Variants in CAMTA1 observed in about 807,000 individuals in gnomAD.
The protein encoded by CAMTA1 is calmodulin-binding transcription activator 1.
Under a neutral mutation model 170.9 loss-of-function variants are expected in CAMTA1, and 27 were observed. That is an observed-to-expected ratio of 0.16 (90% CI 0.12 to 0.22). The LOEUF (loss-of-function observed/expected upper bound fraction) is 0.22. Ranked by LOEUF, CAMTA1 falls within the 10% of genes least tolerant of loss-of-function variation. CAMTA1 has a pLI of 1.00. For missense variants in CAMTA1, 1,619 were observed against 2,217.2 expected, an observed-to-expected ratio of 0.73 and a Z score of 5.42; for synonymous variants, 833 against 891.5, an observed-to-expected ratio of 0.93 and a Z score of 1.17.
chr1:6,933,385 G>T (rs1205431123), intron 3 of CAMTA1, among the ~76,000 whole-genome samples: 1 of 152,042 alleles, frequency 6.6e-6, no homozygotes, highest in East Asian at 1.9e-4. Context: ...TCAGCCTCCT[G>T]AGTAGCTGGG....
chr1:7,158,018 G>A (rs6665124), intron 4 of CAMTA1, among the ~76,000 whole-genome samples: 49,901 of 151,842 alleles, frequency 0.33, 8,631 homozygotes, highest in African/African-American at 0.43. Flanking sequence ...GATTAGCCAG[G>A]CGTGGTGGTG....
chr1:7,468,917 G>A (rs1041676052), intron 6 of CAMTA1, among the ~76,000 whole-genome samples: 5 of 152,190 alleles, frequency 3.3e-5, no homozygotes, highest in African/African-American at 7.2e-5. Flanking sequence ...CACATGCCAC[G>A]GAGTGCAGAG....
chr1:7,217,214 C>A (rs1659899265), intron 4 of CAMTA1, among the ~76,000 whole-genome samples: 1 of 152,164 alleles, frequency 6.6e-6, no homozygotes, highest in Non-Finnish European at 1.5e-5. Flanking sequence ...TAAGGGGCTT[C>A]TCCCCCTTTG....
At chr1:7,303,191 C>T (rs1362176110) in intron 5 of CAMTA1, among the ~76,000 whole-genome samples, 1 of 152,176 alleles carries the variant, frequency 6.6e-6, no homozygotes, top group Non-Finnish European at 1.5e-5. Context: ...TGACTTCTTC[C>T]TGTCTTCTGC....
intron 4 of CAMTA1, among the ~76,000 whole-genome samples, chr1:7,208,196 C>T (rs957830451): frequency 1.3e-5 from 2 of 152,230 alleles, no homozygotes; most frequent in African/African-American, 4.8e-5. Flanking sequence ...TAGCCTTGAC[C>T]TTACTGGATA....
intron 5 of CAMTA1, among the ~76,000 whole-genome samples, chr1:7,439,378 C>T (rs1357996149): frequency 6.6e-6 from 1 of 152,196 alleles, no homozygotes; most frequent in African/African-American, 2.4e-5. Flanking sequence ...AGTGAATGAG[C>T]CCCCTGCCCC....
intron 5 of CAMTA1, among the ~76,000 whole-genome samples, chr1:7,287,540 G>A (rs1449843469): frequency 6.6e-6 from 1 of 151,332 alleles, no homozygotes; most frequent in Non-Finnish European, 1.5e-5. Context: ...GTCAGGCTAG[G>A]TTAGGCCATG....
chr1:7,194,850 AT>A (rs1655217496), intron 4 of CAMTA1, among the ~76,000 whole-genome samples: 1 of 152,144 alleles, frequency 6.6e-6, no homozygotes, highest in Non-Finnish European at 1.5e-5. Context: ...GAATTCTGTG[AT>A]TTTTATTTTC....
rs1330242133 is a variant in CAMTA1 at position 7,108,728 on chromosome 1, A to G, written c.302+17357A>G. ...TTATTCATCCAACAAATATTTATTGACAATCGTATTAGTTACCTATTGCGC... is the reference window on the plus strand; with the variant it reads ...TTATTCATCCAACAAATATTTATTGGCAATCGTATTAGTTACCTATTGCGC... On this transcript the variant is annotated intron_variant, in intron 4 of 22. Coordinates refer to ENST00000303635, the MANE Select transcript of CAMTA1 (RefSeq NM_015215.4). Among the ~76,000 whole-genome samples the G allele has an allele frequency of 3.3e-5, 5 of 152,352 alleles. No homozygotes were observed. The South Asian group carries it at 8.3e-4, about 25-fold the overall frequency.
At chr1:6,921,143 A>G (rs1047381091) in intron 3 of CAMTA1, among the ~76,000 whole-genome samples, 20 of 152,338 alleles carry the variant, frequency 1.3e-4, no homozygotes, top group Admixed American at 1.1e-3. Flanking sequence ...CACCCAAGTC[A>G]CATCTTGAAT....
At chr1:7,470,757 C>T (rs1024103532) in intron 6 of CAMTA1, among the ~76,000 whole-genome samples, 8 of 152,262 alleles carry the variant, frequency 5.3e-5, no homozygotes, top group African/African-American at 1.7e-4. Context: ...ACCTTTGTAG[C>T]CTCAGTTCAG....
At chr1:7,187,624 A>G (rs1021456022) in intron 4 of CAMTA1, among the ~76,000 whole-genome samples, 14 of 152,216 alleles carry the variant, frequency 9.2e-5, no homozygotes, top group Admixed American at 5.2e-4. Flanking sequence ...TATTTTTAAC[A>G]TACATGAAAT....
At chr1:7,429,562 T>C (rs1041891485) in intron 5 of CAMTA1, among the ~76,000 whole-genome samples, 1 of 145,440 alleles carries the variant, frequency 6.9e-6, no homozygotes, top group East Asian at 2.0e-4. Context: ...AGTGATAATA[T>C]GGATGATGAT....
intron 19 of CAMTA1, among the ~76,000 whole-genome samples, chr1:7,750,212 A>C (rs2096886622): frequency 6.6e-6 from 1 of 152,248 alleles, no homozygotes. Flanking sequence ...AAAGCAGGTC[A>C]GATAAGACCA....
rs11120882 is a variant in CAMTA1, at chr1:7,224,804, C to T, written c.303-24687C>T. ...CCCAGGGCCCTGCTCCGTAGCTGCTCCATGTCGTCTGGATGGTCCGTTGGC... is the reference window on the plus strand; with the variant it reads ...CCCAGGGCCCTGCTCCGTAGCTGCTTCATGTCGTCTGGATGGTCCGTTGGC... On this transcript the variant is annotated intron_variant, in intron 4 of 22. Coordinates refer to ENST00000303635, the MANE Select transcript of CAMTA1 (RefSeq NM_015215.4). This position sits in a 1 kb window ranked among gnomAD's most constrained non-coding sequence, Gnocchi z 5.2. Among the ~76,000 whole-genome samples, 6,687 of 149,486 alleles carry T rather than the reference C, an allele frequency of 0.045. 435 individuals carry two copies. Among genetic ancestry groups the T allele is most frequent in the African/African-American group, 0.15 (5,749 of 38,800 alleles).
intron 5 of CAMTA1, among the ~76,000 whole-genome samples, chr1:7,262,449 C>G (rs1295309848): frequency 6.6e-6 from 1 of 152,164 alleles, no homozygotes; most frequent in Non-Finnish European, 1.5e-5. Context: ...GTAATCCCAG[C>G]TACTCAGGAG....
At chr1:7,233,874 C>G (rs568175147) in intron 4 of CAMTA1, among the ~76,000 whole-genome samples, 3 of 152,112 alleles carry the variant, frequency 2.0e-5, no homozygotes, top group African/African-American at 7.2e-5. Context: ...TTCAAGGGGC[C>G]GGGGAGGTGG....
At chr1:6,902,079 AAAAAT>A (rs1553180498) in intron 3 of CAMTA1, among the ~76,000 whole-genome samples, 3 of 75,284 alleles carry the variant, frequency 4.0e-5, no homozygotes, top group South Asian at 1.0e-3. Context: ...ACACAAAAAA[AAAAAT>A]AAAAATAAAA....
intron 5 of CAMTA1, among the ~76,000 whole-genome samples, chr1:7,267,091 T>G (rs1462257999): frequency 6.6e-6 from 1 of 152,178 alleles, no homozygotes; most frequent in Admixed American, 6.5e-5. Context: ...GTTGGCTTCT[T>G]CATCTATGGA....
Sources: gnomAD v4.1 joint callset for allele counts (sites outside exome capture counted in the v4.1 genomes callset) on GRCh38, gnomAD v4.1.1 for gene constraint, Gnocchi (gnomAD v3.1) non-coding constraint, MANE v1.5 for transcripts, NCBI Gene and HGNC (gene_info 2026-07-23, HGNC 2026-07-21) for gene names.